Variants in CNOT6 observed in about 807,000 individuals in gnomAD.
The protein encoded by CNOT6 is carbon catabolite repression 4 protein.
In CNOT6, 12 loss-of-function variants were observed where a neutral mutation model predicts 61.2. The observed-to-expected ratio is 0.20, with a 90% CI of 0.13 to 0.32. The LOEUF (loss-of-function observed/expected upper bound fraction) is 0.32, where lower values mean the gene tolerates loss of function less well. CNOT6 is among the 10% of genes least tolerant of loss of function. The probability of loss-of-function intolerance (pLI) is 1.00; values close to 1 mark genes in which losing one functional copy is unlikely to be tolerated. For missense variants in CNOT6, 405 were observed against 663.9 expected, an observed-to-expected ratio of 0.61 and a Z score of 4.28; for synonymous variants, 225 against 240.6, an observed-to-expected ratio of 0.94 and a Z score of 0.60.
intron 9 of CNOT6, among the ~76,000 whole-genome samples, 159 bp from the exon 10 acceptor site, chr5:180,568,951 C>T (rs1367743333): frequency 2.6e-5 from 4 of 152,154 alleles, no homozygotes; most frequent in South Asian, 2.1e-4. Flanking sequence ...GTGTATTTCT[C>T]GGGTTTGTTG....
chr5:180,525,733 C>G (rs1758070038), intron 1 of CNOT6, among the ~76,000 whole-genome samples: 1 of 151,928 alleles, frequency 6.6e-6, no homozygotes, highest in South Asian at 2.1e-4. Context: ...TGCAACTCTG[C>G]AGGAAGAACT....
At position 180,498,772 on chromosome 5, in the gene CNOT6, G is replaced by C. The variant is rs1413793723; in HGVS notation, c.-3+4009G>C. Among the ~76,000 whole-genome samples, 4 of 152,196 alleles carry C rather than the reference G, an allele frequency of 2.6e-5. No homozygotes were observed. In the East Asian group the frequency reaches 7.7e-4, roughly 29 times the overall value. On this transcript the variant is annotated intron_variant, in intron 1 of 11. Transcript: ENST00000261951. ...GTGGAGGCCCTACAAGTGTATATTT[G>C]AGATAGTATGGAGTTAGTGACTTTG...
chr5:180,502,700 A>G (rs1006454872), intron 1 of CNOT6, among the ~76,000 whole-genome samples: 4 of 152,114 alleles, frequency 2.6e-5, no homozygotes, highest in Admixed American at 6.5e-5. Context: ...GTGGTTGTAT[A>G]TAGTTTTACT....
At chr5:180,556,125 A>G (rs1052588956) in intron 4 of CNOT6, among the ~76,000 whole-genome samples, 1 of 152,242 alleles carries the variant, frequency 6.6e-6, no homozygotes, top group South Asian at 2.1e-4. Context: ...GTTATCGTAC[A>G]TAGAACAGTC....
At chr5:180,535,364 G>T (rs1758630856) in intron 2 of CNOT6, among the ~76,000 whole-genome samples, 1 of 152,202 alleles carries the variant, frequency 6.6e-6, no homozygotes, top group Non-Finnish European at 1.5e-5. Context: ...TTCTGTATGT[G>T]CATGTGTACC....
At chr5:180,503,885 G>A (rs946221952) in intron 1 of CNOT6, among the ~76,000 whole-genome samples, 6 of 152,098 alleles carry the variant, frequency 3.9e-5, no homozygotes, top group African/African-American at 9.7e-5. Flanking sequence ...GATTACAGGC[G>A]TGAGCCACTG....
intron 3 of CNOT6, among the ~76,000 whole-genome samples, chr5:180,551,584 A>T (rs1228496582): frequency 2.0e-5 from 3 of 152,194 alleles, no homozygotes; most frequent in African/African-American, 7.2e-5. Flanking sequence ...GGTAGATAAG[A>T]TCTAACCAAG....
intron 7 of CNOT6, among the ~76,000 whole-genome samples, chr5:180,566,217 C>T (rs1002801396): frequency 6.6e-5 from 10 of 152,202 alleles, no homozygotes; most frequent in Non-Finnish European, 1.3e-4. Context: ...TCACCTTCCT[C>T]CTCCCTCCAG....
intron 1 of CNOT6, among the ~76,000 whole-genome samples, chr5:180,509,352 C>T (rs1397185459): frequency 2.6e-5 from 4 of 152,046 alleles, no homozygotes; most frequent in South Asian, 2.1e-4. Context: ...TGGTCTTGAA[C>T]TCCTGGGCTC....
At chr5:180,508,660 G>A (rs1462445342) in intron 1 of CNOT6, among the ~76,000 whole-genome samples, 3 of 151,034 alleles carry the variant, frequency 2.0e-5, no homozygotes, top group Non-Finnish European at 3.0e-5. Flanking sequence ...AAGGTCTCAC[G>A]GTCACCCAGG....
chr5:180,530,642 A>G (rs1273557588), intron 2 of CNOT6, among the ~76,000 whole-genome samples: 2 of 151,884 alleles, frequency 1.3e-5, no homozygotes, highest in Admixed American at 1.3e-4. Flanking sequence ...CCATAGGACA[A>G]TAGTGGAGGG....
At chr5:180,568,231 T>C (rs1760560228) in intron 9 of CNOT6, among the ~76,000 whole-genome samples, 1 of 15,130 alleles carries the variant, frequency 6.6e-5, no homozygotes, top group South Asian at 0.01. Flanking sequence ...TTAAAAAACC[T>C]TTTTTTTTTT....
intron 1 of CNOT6, among the ~76,000 whole-genome samples, chr5:180,523,776 G>GTT (rs1285713752): frequency 6.6e-6 from 1 of 151,792 alleles, no homozygotes; most frequent in South Asian, 2.1e-4. Flanking sequence ...ATTCCTGAAG[G>GTT]TTTTTTTTCT....
At chr5:180,568,401 T>G (rs6897380) in intron 9 of CNOT6, among the ~76,000 whole-genome samples, 25,378 of 151,654 alleles carry the variant, frequency 0.17, 2,232 homozygotes, top group Non-Finnish European at 0.19. Context: ...AATAATCATT[T>G]TATTAGCTGG....
At chr5:180,573,803 T>C (rs1054575081) in intron 11 of CNOT6, among the ~76,000 whole-genome samples, 185 bp from the exon 12 acceptor site, 2 of 152,178 alleles carry the variant, frequency 1.3e-5, no homozygotes, top group African/African-American at 4.8e-5. Context: ...TGCTTCATTC[T>C]GCTAGATTTG....
rs1449783852 is a variant in CNOT6 at position 180,567,330 on chromosome 5, G to GAATGAGGC, written c.872+90_872+97dup. 1.5e-5 allele frequency: 17 copies of GAATGAGGC among 1,132,318 alleles called. No individual in the cohort carries two copies. The East Asian group carries it at 4.2e-4, about 28-fold the overall frequency. 70.1% of individuals were successfully genotyped at this position (1,132,318 alleles called of 1,614,324 possible). ...TGTGGAAACTAATTGGCAAATGAGA[G>GAATGAGGC]AATGAGGCACTATATTATTACTGAA... On this transcript the variant is annotated intron_variant, in intron 8 of 11. Coordinates refer to ENST00000261951, the MANE Select transcript of CNOT6 (RefSeq NM_001370472.1).
intron 1 of CNOT6, among the ~76,000 whole-genome samples, chr5:180,503,069 A>G (rs963731997): frequency 6.6e-6 from 1 of 152,112 alleles, no homozygotes; most frequent in Non-Finnish European, 1.5e-5. Context: ...CCACTGAAGA[A>G]AAAAAATGAT....
chr5:180,578,278 A>G lies in CNOT6; in HGVS notation c.*4078A>G, dbSNP rs1761095074. The G allele has an allele frequency of 6.5e-6, 1 of 152,672 alleles. No homozygotes were observed. The highest frequency in any genetic ancestry group is 2.1e-4 in the South Asian group (1 of 4,830). 9.5% of individuals were successfully genotyped at this position (152,672 alleles called of 1,614,324 possible). ...GTTGTTACCTTATACCTCATGATAT[A>G]AGGAATGGGCTCATGTGTCTTCCGT... On this transcript the variant is annotated 3_prime_UTR_variant, in exon 12 of 12. Coordinates refer to ENST00000261951, the MANE Select transcript of CNOT6 (RefSeq NM_001370472.1).
chr5:180,515,871 G>C (rs1453072472), intron 1 of CNOT6, among the ~76,000 whole-genome samples: 1 of 152,106 alleles, frequency 6.6e-6, no homozygotes, highest in Non-Finnish European at 1.5e-5. Flanking sequence ...GAAAAGCATA[G>C]TAAAAGGAGA....
Sources: gnomAD v4.1 joint callset for allele counts (sites outside exome capture counted in the v4.1 genomes callset) on GRCh38, gnomAD v4.1.1 for gene constraint, MANE v1.5 for transcripts, NCBI Gene and HGNC (gene_info 2026-07-23, HGNC 2026-07-21) for gene names.